The following LINGO2 variants were observed in gnomAD, a reference collection of about 807,000 sequenced individuals.
LINGO2 encodes the protein leucine-rich repeat and immunoglobulin-like domain-containing nogo receptor-interacting protein 2.
LINGO2 carries 14 observed loss-of-function variants against 30.6 expected under a neutral mutation model. That is an observed-to-expected ratio of 0.46 (90% CI 0.30 to 0.72). The LOEUF is 0.72. LINGO2 is among the 30% of genes least tolerant of loss of function. LINGO2 has a pLI of 0.07. For synonymous variants in LINGO2, 317 were observed against 288.5 expected, an observed-to-expected ratio of 1.10 and a Z score of -1.00; for missense variants, 729 against 751.7, an observed-to-expected ratio of 0.97 and a Z score of 0.35.
the LINGO2 span, among the ~76,000 whole-genome samples, chr9:28,960,496 T>C: frequency 6.6e-6 from 1 of 151,234 alleles, no homozygotes; most frequent in South Asian, 2.1e-4. Context: ...GGGTACGACC[T>C]TTTCTCTAAA....
chr9:28,290,209 A>T (rs1314033986), intron 4 of LINGO2, among the ~76,000 whole-genome samples: 3 of 152,212 alleles, frequency 2.0e-5, no homozygotes, highest in Non-Finnish European at 4.4e-5. Context: ...TTGACTCCCG[A>T]ATCTGTGATT....
chr9:28,010,482 A>G (rs1309280371), intron 5 of LINGO2, among the ~76,000 whole-genome samples: 1 of 152,150 alleles, frequency 6.6e-6, no homozygotes, highest in East Asian at 1.9e-4. Context: ...ATAAAATCTT[A>G]CATGGAAACT....
intron 4 of LINGO2, among the ~76,000 whole-genome samples, chr9:28,106,018 G>T (rs1235746183): frequency 2.6e-5 from 4 of 152,108 alleles, no homozygotes; most frequent in Non-Finnish European, 5.9e-5. Flanking sequence ...CCTCCTGTCA[G>T]ATCAGCAGCA....
At chr9:28,536,009 T>C (rs1418348717) in intron 1 of LINGO2, among the ~76,000 whole-genome samples, 1 of 152,186 alleles carries the variant, frequency 6.6e-6, no homozygotes, top group African/African-American at 2.4e-5. Context: ...GATGAAGTTT[T>C]ATTTTATTAT....
the LINGO2 span, among the ~76,000 whole-genome samples, chr9:29,084,393 T>G: frequency 6.6e-6 from 1 of 152,120 alleles, no homozygotes; most frequent in Non-Finnish European, 1.5e-5. Flanking sequence ...TTCTAATGAT[T>G]TGATTGTATT....
At chr9:28,124,485 C>T (rs1827185293) in intron 4 of LINGO2, among the ~76,000 whole-genome samples, 1 of 152,180 alleles carries the variant, frequency 6.6e-6, no homozygotes, top group South Asian at 2.1e-4. Flanking sequence ...GCATATTATA[C>T]CATCTGTACA....
At chr9:29,166,023 C>T in the LINGO2 span, among the ~76,000 whole-genome samples, 655 of 152,062 alleles carry the variant, frequency 4.3e-3, 8 homozygotes, top group African/African-American at 0.015. Flanking sequence ...TCAAGTAATA[C>T]GTTTAATAAT....
At chr9:28,250,026 A>T (rs186974917) in intron 4 of LINGO2, among the ~76,000 whole-genome samples, 1 of 152,166 alleles carries the variant, frequency 6.6e-6, no homozygotes, top group Admixed American at 6.6e-5. Flanking sequence ...GACATGAAAA[A>T]CCTGTTTATA....
At chr9:28,665,260 C>T (rs989668506) in intron 1 of LINGO2, among the ~76,000 whole-genome samples, 3 of 151,820 alleles carry the variant, frequency 2.0e-5, no homozygotes, top group Non-Finnish European at 4.4e-5. Context: ...CAAATCTACT[C>T]TAGATCTAAA....
the LINGO2 span, among the ~76,000 whole-genome samples, chr9:29,179,450 G>T: frequency 6.6e-6 from 1 of 152,006 alleles, no homozygotes; most frequent in African/African-American, 2.4e-5. Flanking sequence ...TGTCACCCAG[G>T]CTGGAGTGCA....
chr9:28,869,567 G>A, the LINGO2 span, among the ~76,000 whole-genome samples: 1 of 151,906 alleles, frequency 6.6e-6, no homozygotes, highest in South Asian at 2.1e-4. Context: ...ATAGCAAGCA[G>A]GAAGAAAAAA....
At chr9:28,343,067 T>A (rs1019346770) in intron 3 of LINGO2, among the ~76,000 whole-genome samples, 8 of 152,166 alleles carry the variant, frequency 5.3e-5, no homozygotes, top group African/African-American at 1.9e-4. Context: ...TATGGTCATT[T>A]TATAAAGCAT....
chr9:28,799,980 A>T, the LINGO2 span, among the ~76,000 whole-genome samples: 1 of 152,152 alleles, frequency 6.6e-6, no homozygotes, highest in African/African-American at 2.4e-5. Context: ...TTTTTTTTTC[A>T]TAACAATGAC....
chr9:28,982,492 G>A, the LINGO2 span, among the ~76,000 whole-genome samples: 1 of 148,820 alleles, frequency 6.7e-6, no homozygotes, highest in Non-Finnish European at 1.5e-5. Context: ...TTGTCTTGGT[G>A]GCAAAAACCA....
chr9:28,052,993 G>T (rs1824746894), intron 4 of LINGO2, among the ~76,000 whole-genome samples: 1 of 152,032 alleles, frequency 6.6e-6, no homozygotes, highest in African/African-American at 2.4e-5. Flanking sequence ...AGAAAGTGGG[G>T]ATAACAAGGT....
the LINGO2 span, among the ~76,000 whole-genome samples, chr9:29,098,850 C>T: frequency 4.6e-5 from 7 of 151,946 alleles, no homozygotes; most frequent in Non-Finnish European, 5.9e-5. Context: ...TAAAGAAAGA[C>T]CAGTTAAGAA....
intron 2 of LINGO2, among the ~76,000 whole-genome samples, chr9:28,376,087 C>CTT (rs75147834): frequency 0.017 from 2,331 of 138,700 alleles, 65 homozygotes; most frequent in African/African-American, 0.058. Flanking sequence ...ACTTTCCTTG[C>CTT]TTTTTTTTTT....
intron 4 of LINGO2, among the ~76,000 whole-genome samples, chr9:28,064,962 T>C (rs1825267939): frequency 6.6e-6 from 1 of 151,314 alleles, no homozygotes; most frequent in South Asian, 2.1e-4. Flanking sequence ...TGGTAAGGCA[T>C]TACTAGATTA....
At chr9:28,995,951 C>T in the LINGO2 span, among the ~76,000 whole-genome samples, 1 of 151,748 alleles carries the variant, frequency 6.6e-6, no homozygotes, top group African/African-American at 2.4e-5. Context: ...AGCACACCAG[C>T]ATGGCACATG....
Sources: allele counts gnomAD v4.1 joint callset (sites outside exome capture counted in the v4.1 genomes callset), GRCh38; gene constraint gnomAD v4.1.1; transcripts MANE v1.5; gene names NCBI Gene and HGNC (gene_info 2026-07-23, HGNC 2026-07-21).